GRID2: variants seen among roughly 807,000 people sequenced by gnomAD.
GRID2 encodes the protein glutamate ionotropic receptor delta type subunit 2, also known as glutamate receptor ionotropic, delta-2.
A neutral mutation model predicts 114.8 loss-of-function variants in GRID2; 33 were observed. The observed-to-expected ratio is 0.29, with a 90% CI of 0.22 to 0.38. The LOEUF is 0.38. GRID2 is among the 10% of genes least tolerant of loss of function. The pLI, the probability that GRID2 is intolerant of heterozygous loss-of-function variation, is 1.00. For synonymous variants in GRID2, 505 were observed against 449.9 expected (o/e 1.12, Z -1.55); for missense variants, 1,184 against 1,257.7 (o/e 0.94, Z 0.89).
chr4:92,720,320 G>C (rs1419997104), intron 2 of GRID2, among the ~76,000 whole-genome samples: 1 of 151,790 alleles, frequency 6.6e-6, no homozygotes, highest in African/African-American at 2.4e-5. Flanking sequence ...TTGATGAGGT[G>C]GTCTACAGTT....
intron 2 of GRID2, among the ~76,000 whole-genome samples, chr4:93,078,859 T>A (rs1729604211): frequency 1.6e-5 from 2 of 124,954 alleles, no homozygotes; most frequent in Non-Finnish European, 1.7e-5. Flanking sequence ...ATTTTTGTAA[T>A]TATATCATAT....
At chr4:92,469,165 A>G (rs1359454487) in intron 1 of GRID2, among the ~76,000 whole-genome samples, 1 of 151,978 alleles carries the variant, frequency 6.6e-6, no homozygotes, top group Non-Finnish European at 1.5e-5. Context: ...CGTCAGGAAA[A>G]CTCCTTATCA....
At chr4:92,491,396 T>G (rs17019374) in intron 1 of GRID2, among the ~76,000 whole-genome samples, 26,527 of 152,070 alleles carry the variant, frequency 0.17, 2,801 homozygotes, top group Middle Eastern at 0.25. Flanking sequence ...AACTGTATAC[T>G]CCCCAAGTCT....
At chr4:93,370,553 T>C (rs144841549) in intron 8 of GRID2, among the ~76,000 whole-genome samples, 1 of 151,130 alleles carries the variant, frequency 6.6e-6, no homozygotes, top group African/African-American at 2.4e-5. Context: ...TTGTTCACTG[T>C]TTCTTGAAAA....
At chr4:93,448,808 T>TCCCTTCCCTC (rs1722350575) in intron 10 of GRID2, among the ~76,000 whole-genome samples, 14 of 9,480 alleles carry the variant, frequency 1.5e-3, no homozygotes, top group Non-Finnish European at 2.5e-3. Flanking sequence ...TCCCTTCCCT[T>TCCCTTCCCTC]CCCTTCCCTT....
intron 13 of GRID2, among the ~76,000 whole-genome samples, chr4:93,600,473 A>G (rs1400089328): frequency 2.0e-5 from 3 of 152,318 alleles, no homozygotes; most frequent in South Asian, 4.1e-4. Context: ...ATACTTAATT[A>G]ACATCATTAG....
At chr4:93,268,926 C>A (rs1751137609) in intron 8 of GRID2, among the ~76,000 whole-genome samples, 1 of 152,016 alleles carries the variant, frequency 6.6e-6, no homozygotes, top group South Asian at 2.1e-4. Flanking sequence ...ACGAGTCTCC[C>A]TTTCCTGAGC....
intron 2 of GRID2, among the ~76,000 whole-genome samples, chr4:92,759,767 C>A (rs1737900746): frequency 6.6e-6 from 1 of 150,598 alleles, no homozygotes; most frequent in African/African-American, 2.4e-5. Context: ...CCATGCCGGG[C>A]TTTTTTTTCT....
intron 2 of GRID2, among the ~76,000 whole-genome samples, chr4:92,853,093 T>C (rs185788607): frequency 6.6e-6 from 1 of 152,068 alleles, no homozygotes; most frequent in East Asian, 1.9e-4. Context: ...TGGAATCACA[T>C]AGACCATGAC....
chr4:93,124,020 T>C (rs1734036785), intron 4 of GRID2, among the ~76,000 whole-genome samples: 2 of 148,172 alleles, frequency 1.3e-5, no homozygotes, highest in Non-Finnish European at 3.0e-5. Flanking sequence ...GACACGTTAG[T>C]GGGTGCAGCG....
chr4:93,223,368 A>T (rs1745116396), intron 6 of GRID2, among the ~76,000 whole-genome samples: 1 of 152,182 alleles, frequency 6.6e-6, no homozygotes, highest in African/African-American at 2.4e-5. Flanking sequence ...GATATTTAAC[A>T]AACACAAAGG....
At chr4:93,120,878 G>A (rs375823925) in intron 4 of GRID2, among the ~76,000 whole-genome samples, 25 of 152,222 alleles carry the variant, frequency 1.6e-4, no homozygotes, top group African/African-American at 5.3e-4. Flanking sequence ...GTGTGAACCC[G>A]GGAGGTGGAG....
At chr4:92,536,900 G>A (rs1055923804) in intron 1 of GRID2, among the ~76,000 whole-genome samples, 2 of 152,112 alleles carry the variant, frequency 1.3e-5, no homozygotes, top group African/African-American at 4.8e-5. Flanking sequence ...CCCTAGATGA[G>A]TAGTTACTAT....
rs530049531 is a variant in GRID2, at chr4:93,445,362, T to C, written c.1546-10300T>C. ...AGCCAGTGATATTTTGGGCATTTCT[T>C]TTACCTGCAGGAAGAAAATAGGCTG... is the stretch of plus-strand genomic sequence containing the variant. On this transcript the variant is annotated intron_variant, in intron 10 of 15. Coordinates refer to ENST00000282020, the MANE Select transcript of GRID2 (RefSeq NM_001510.4). Among the ~76,000 whole-genome samples the C allele has an allele frequency of 3.9e-5, 6 of 152,136 alleles. No individual in the cohort carries two copies. In the South Asian group the frequency reaches 1.2e-3, roughly 31 times the overall value.
chr4:92,752,095 C>T (rs549778744), intron 2 of GRID2, among the ~76,000 whole-genome samples: 5 of 152,274 alleles, frequency 3.3e-5, no homozygotes, highest in East Asian at 1.9e-4. Flanking sequence ...AAACAATATT[C>T]GTTCTCTGAA....
intron 1 of GRID2, among the ~76,000 whole-genome samples, chr4:92,539,377 G>A (rs941431938): frequency 1.3e-5 from 2 of 152,014 alleles, no homozygotes; most frequent in Non-Finnish European, 2.9e-5. Context: ...ATTAGCAAAT[G>A]AGTAAAACAT....
intron 1 of GRID2, among the ~76,000 whole-genome samples, chr4:92,572,974 C>T (rs1005620241): frequency 1.3e-5 from 2 of 151,918 alleles, no homozygotes; most frequent in African/African-American, 4.8e-5. Flanking sequence ...GGTTATTAGG[C>T]TATTTATTAC....
At chr4:93,155,176 C>T (rs1351516212) in intron 4 of GRID2, among the ~76,000 whole-genome samples, 5 of 151,902 alleles carry the variant, frequency 3.3e-5, no homozygotes, top group African/African-American at 7.2e-5. Context: ...CTCACCTTCT[C>T]TTTATTCTTC....
chr4:93,548,124 C>G (rs1733403590), intron 13 of GRID2, among the ~76,000 whole-genome samples: 1 of 151,920 alleles, frequency 6.6e-6, no homozygotes, highest in Non-Finnish European at 1.5e-5. Context: ...TTGCGGTGAG[C>G]CGAGATGGTG....
Sources: allele counts gnomAD v4.1 joint callset (sites outside exome capture counted in the v4.1 genomes callset), GRCh38; gene constraint gnomAD v4.1.1; transcripts MANE v1.5; gene names NCBI Gene and HGNC (gene_info 2026-07-23, HGNC 2026-07-21).